SLC2A9: variants seen among roughly 807,000 people sequenced by gnomAD.
The protein encoded by SLC2A9 is solute carrier family 2 member 9.
In SLC2A9, 39 loss-of-function variants were observed where a neutral mutation model predicts 50.6. That is an observed-to-expected ratio of 0.77 (90% CI 0.60 to 1.01). The LOEUF (loss-of-function observed/expected upper bound fraction) is 1.01. Among genes scored for constraint, SLC2A9 ranks in the 50% least tolerant of loss-of-function variants. SLC2A9 has a pLI of 0.00. For synonymous variants in SLC2A9, 324 were observed against 276.9 expected, an observed-to-expected ratio of 1.17 and a Z score of -1.69; for missense variants, 686 against 677.6, an observed-to-expected ratio of 1.01 and a Z score of -0.14.
At position 9,806,880 on chromosome 4, in the gene SLC2A9, C is replaced by T. The variant is rs146850912; in HGVS notation, n.421-7639G>A. Among the ~76,000 whole-genome samples the T allele has an allele frequency of 3.3e-3, 507 of 152,292 alleles. 4 individuals carry two copies. Among genetic ancestry groups the T allele is most frequent in the African/African-American group, 0.012 (478 of 41,562 alleles). ...AACTCAAAATAGCTTCTCCAGAGGA[C>T]GCTTGAACTGATTAGAGGAGCATCT... On this transcript the variant is annotated intron_variant and non_coding_transcript_variant, in intron 3 of 3. Transcript: ENST00000503280.
chr4:9,858,530 T>C (rs1476156851), intron 10 of SLC2A9, among the ~76,000 whole-genome samples: 4 of 152,156 alleles, frequency 2.6e-5, no homozygotes, highest in Admixed American at 1.3e-4. Flanking sequence ...AGAGACACTA[T>C]GCTGTTTACT....
At chr4:9,817,365 G>A (rs950130900) in intron 3 of SLC2A9, among the ~76,000 whole-genome samples, 2 of 152,172 alleles carry the variant, frequency 1.3e-5, no homozygotes, top group African/African-American at 2.4e-5. Context: ...TGTTTGTCAG[G>A]CACCTTCTAC....
Position 9,846,686 on chromosome 4 carries a change from T to C in SLC2A9, c.1292-11678A>G, listed in dbSNP as rs566444085. ...ATGGCAAATTATTACCATGTGGAGGTAGCCAGGCTAGTAGCTAAGACCATT... is the reference window on the plus strand; with the variant it reads ...ATGGCAAATTATTACCATGTGGAGGCAGCCAGGCTAGTAGCTAAGACCATT... On this transcript the variant is annotated intron_variant, in intron 10 of 11. Coordinates refer to ENST00000264784, the MANE Select transcript of SLC2A9 (RefSeq NM_020041.3). 2.6e-5 allele frequency among the ~76,000 whole-genome samples: 4 copies of C among 152,298 alleles called. No individual in the cohort carries two copies. In the East Asian group the frequency reaches 7.7e-4, roughly 29 times the overall value.
chr4:9,782,556 T>C lies in SLC2A9; in HGVS notation n.386-2491A>G, dbSNP rs375459639. 228 of 1,613,898 alleles carry C rather than the reference T, an allele frequency of 1.4e-4. No individual in the cohort carries two copies. Among genetic ancestry groups the C allele is most frequent in the Non-Finnish European group, 1.8e-4 (218 of 1,179,854 alleles). On this transcript the variant is annotated intron_variant and non_coding_transcript_variant, in intron 3 of 3. Transcript: ENST00000503803. The stretch of plus-strand genomic sequence containing the variant: ...TCCATCCTCATCTCCTTCATTCCGG[T>C]CCAGCTCAACTGGCACAGGGACCAG...
rs1474285810 is a variant in SLC2A9 at position 9,875,138 on chromosome 4, A to ACTCT, written c.1291+12428_1291+12429insAGAG. Among the ~76,000 whole-genome samples, 32 of 15,558 alleles carry ACTCT rather than the reference A, an allele frequency of 2.1e-3. 1 individual carries two copies. Among genetic ancestry groups the ACTCT allele is most frequent in the Non-Finnish European group, 2.5e-3 (15 of 6,006 alleles). The allele number at this position is 15,558 out of a possible 152,430, so 10.2% of individuals were successfully genotyped here. Reference sequence around the variant, plus strand: ...GTGTCTTTAGAAATGGCCATAGGTTAGTGTCTAAGATGGGATGCTGTGTCT... The same window carrying ACTCT: ...GTGTCTTTAGAAATGGCCATAGGTTACTCTGTGTCTAAGATGGGATGCTGTGTCT... On this transcript the variant is annotated intron_variant, in intron 10 of 11. Coordinates refer to ENST00000264784, the MANE Select transcript of SLC2A9 (RefSeq NM_020041.3).
chr4:9,980,219 A>G (rs778388243), intron 5 of SLC2A9, among the ~76,000 whole-genome samples: 3 of 152,222 alleles, frequency 2.0e-5, no homozygotes, highest in African/African-American at 4.8e-5. Context: ...TGCCCAAAAT[A>G]TATTAAATGA....
chr4:9,934,867 C>T (rs1746778657), intron 6 of SLC2A9, among the ~76,000 whole-genome samples: 2 of 152,136 alleles, frequency 1.3e-5, no homozygotes, highest in South Asian at 4.1e-4. Context: ...TCCATATGTT[C>T]TCATTGTTCA....
At chr4:9,993,035 G>GC (rs1757985929) in intron 3 of SLC2A9, among the ~76,000 whole-genome samples, 1 of 152,194 alleles carries the variant, frequency 6.6e-6, no homozygotes, top group African/African-American at 2.4e-5. Context: ...TGCCTCCTTT[G>GC]CCCAAGCATC....
intron 3 of SLC2A9, among the ~76,000 whole-genome samples, chr4:9,791,716 C>T (rs1189030350): frequency 6.6e-6 from 1 of 152,134 alleles, no homozygotes; most frequent in Non-Finnish European, 1.5e-5. Flanking sequence ...CTAATAATCA[C>T]ATGAGGGAGC....
chr4:9,866,070 T>G (rs577271813), intron 10 of SLC2A9, among the ~76,000 whole-genome samples: 2 of 152,254 alleles, frequency 1.3e-5, no homozygotes, highest in African/African-American at 2.4e-5. Flanking sequence ...ACTTGTGGCA[T>G]GGGGGAAAGG....
chr4:9,983,125 C>T (rs1486127754), intron 4 of SLC2A9, among the ~76,000 whole-genome samples: 1 of 152,246 alleles, frequency 6.6e-6, no homozygotes, highest in Non-Finnish European at 1.5e-5. Context: ...GCCTCGGCCT[C>T]CCAAAGTGCT....
At chr4:9,810,741 T>C (rs1381492352) in intron 3 of SLC2A9, among the ~76,000 whole-genome samples, 2 of 152,238 alleles carry the variant, frequency 1.3e-5, no homozygotes, top group African/African-American at 4.8e-5. Flanking sequence ...TATTTGCCAT[T>C]TCTGGCGGTT....
downstream of SLC2A9, among the ~76,000 whole-genome samples, chr4:9,823,434 T>A (rs1045037394): frequency 6.6e-6 from 1 of 152,194 alleles, no homozygotes; most frequent in Non-Finnish European, 1.5e-5. Flanking sequence ...AAAACAACTT[T>A]TTTTTGTGTC....
At chr4:9,817,080 C>T (rs1723704696) in intron 3 of SLC2A9, among the ~76,000 whole-genome samples, 1 of 152,170 alleles carries the variant, frequency 6.6e-6, no homozygotes, top group Non-Finnish European at 1.5e-5. Flanking sequence ...CTCTCTCTCT[C>T]ATCTCTTCTT....
chr4:9,948,579 C>T (rs377662711), intron 5 of SLC2A9, among the ~76,000 whole-genome samples: 1 of 152,328 alleles, frequency 6.6e-6, no homozygotes, highest in East Asian at 1.9e-4. Context: ...TCCACCAAGG[C>T]TACCCAGCCC....
chr4:9,900,450 A>G (rs1172690783), intron 8 of SLC2A9, among the ~76,000 whole-genome samples: 1 of 152,118 alleles, frequency 6.6e-6, no homozygotes, highest in African/African-American at 2.4e-5. Context: ...CTACTTACTT[A>G]AAAGATATTA....
chr4:9,941,356 C>T (rs1413389472), intron 6 of SLC2A9, among the ~76,000 whole-genome samples: 1 of 152,162 alleles, frequency 6.6e-6, no homozygotes, highest in Non-Finnish European at 1.5e-5. Flanking sequence ...TTATTTTTCT[C>T]CCCTGTAAAA....
At chr4:9,971,660 A>G (rs1398622299) in intron 5 of SLC2A9, among the ~76,000 whole-genome samples, 1 of 152,248 alleles carries the variant, frequency 6.6e-6, no homozygotes, top group East Asian at 1.9e-4. Context: ...ATGGTTAACC[A>G]GTGATTTTTT....
chr4:9,996,529 C>T (rs899792301), intron 3 of SLC2A9, among the ~76,000 whole-genome samples: 3 of 152,212 alleles, frequency 2.0e-5, no homozygotes, highest in African/African-American at 4.8e-5. Context: ...GCTCCTCCCC[C>T]ATGTGGGTGC....
Sources: gnomAD v4.1 joint callset for allele counts (sites outside exome capture counted in the v4.1 genomes callset) on GRCh38, gnomAD v4.1.1 for gene constraint, MANE v1.5 for transcripts, NCBI Gene and HGNC (gene_info 2026-07-23, HGNC 2026-07-21) for gene names.